PPP2R5E: variants seen among roughly 807,000 people sequenced by gnomAD.
PPP2R5E encodes the protein serine/threonine-protein phosphatase 2A 56 kDa regulatory subunit epsilon isoform.
A neutral mutation model predicts 65.3 loss-of-function variants in PPP2R5E; 4 were observed. The ratio of observed to expected loss-of-function variants is 0.06; its 90% CI spans 0.03 to 0.14. The LOEUF is 0.14. PPP2R5E is among the 10% of genes least tolerant of loss of function. The pLI is 1.00. For synonymous variants in PPP2R5E, 183 were observed against 187.4 expected (o/e 0.98, Z 0.19); for missense variants, 274 against 556.1 (o/e 0.49, Z 5.10).
At chr14:63,513,234 C>A (rs952343811) in intron 2 of PPP2R5E, among the ~76,000 whole-genome samples, 3 of 152,216 alleles carry the variant, frequency 2.0e-5, no homozygotes, top group East Asian at 3.9e-4. Context: ...GATACACTCA[C>A]CAAAGAAAGG....
chr14:63,398,179 C>A (rs1194067630), intron 5 of PPP2R5E, among the ~76,000 whole-genome samples: 1 of 152,138 alleles, frequency 6.6e-6, no homozygotes, highest in Non-Finnish European at 1.5e-5. Context: ...CCAGTGAGCA[C>A]AACAGATTCA....
At chr14:63,449,099 G>A (rs1394804741) in intron 3 of PPP2R5E, among the ~76,000 whole-genome samples, 1 of 152,060 alleles carries the variant, frequency 6.6e-6, no homozygotes, top group African/African-American at 2.4e-5. Context: ...ACTCATCCTG[G>A]TTTGCAAAAC....
intron 2 of PPP2R5E, chr14:63,508,160 C>A: frequency 4.1e-6 from 4 of 985,552 alleles, no homozygotes; most frequent in South Asian, 4.7e-5. Context: ...AGCTCTCAGG[C>A]CTTCATTACC....
chr14:63,433,602 G>A (rs532295745), intron 3 of PPP2R5E, among the ~76,000 whole-genome samples: 1 of 152,090 alleles, frequency 6.6e-6, no homozygotes, highest in South Asian at 2.1e-4. Flanking sequence ...CCTACTTTCA[G>A]AAAGGTGCGC....
chr14:63,391,033 C>A (rs765484884), intron 10 of PPP2R5E, among the ~76,000 whole-genome samples: 2 of 152,344 alleles, frequency 1.3e-5, no homozygotes, highest in South Asian at 2.1e-4. Flanking sequence ...TAAGATGACA[C>A]AGCAAGATCC....
intron 3 of PPP2R5E, among the ~76,000 whole-genome samples, chr14:63,445,147 T>C (rs747575255): frequency 6.6e-6 from 1 of 152,172 alleles, no homozygotes; most frequent in Non-Finnish European, 1.5e-5. Context: ...AGATGAGAAA[T>C]GAAGACAGTG....
intron 2 of PPP2R5E, among the ~76,000 whole-genome samples, chr14:63,459,460 T>C (rs1481897700): frequency 2.0e-5 from 3 of 152,138 alleles, no homozygotes; most frequent in Non-Finnish European, 4.4e-5. Flanking sequence ...TTATAATAAA[T>C]CAAATAATAG....
intron 2 of PPP2R5E, among the ~76,000 whole-genome samples, chr14:63,517,725 T>A (rs757648049): frequency 4.6e-5 from 7 of 152,238 alleles, no homozygotes; most frequent in Admixed American, 2.0e-4. Context: ...TGGATTCAAT[T>A]TTTAACTTCA....
intron 2 of PPP2R5E, among the ~76,000 whole-genome samples, chr14:63,458,787 C>A (rs1319286917): frequency 3.9e-5 from 6 of 152,098 alleles, no homozygotes; most frequent in Admixed American, 3.9e-4. Flanking sequence ...TTTATAATAT[C>A]ATTCAATGAA....
chr14:63,448,124 T>C (rs959445658), intron 3 of PPP2R5E, among the ~76,000 whole-genome samples: 12 of 151,962 alleles, frequency 7.9e-5, no homozygotes, highest in East Asian at 1.9e-4. Flanking sequence ...GGTGAAACCC[T>C]GTCTCTACTA....
intron 2 of PPP2R5E, among the ~76,000 whole-genome samples, chr14:63,520,334 CAAG>C (rs1892848349): frequency 6.6e-6 from 1 of 152,214 alleles, no homozygotes; most frequent in Admixed American, 6.5e-5. Flanking sequence ...CGCGCCCAGC[CAAG>C]AAGAACCTTA....
intron 2 of PPP2R5E, among the ~76,000 whole-genome samples, chr14:63,524,737 T>C (rs946703935): frequency 6.6e-6 from 1 of 152,182 alleles, no homozygotes; most frequent in Admixed American, 6.5e-5. Context: ...CTCCCCGGCC[T>C]GGCCAGCCTT....
At chr14:63,429,338 G>A (rs1887499974) in intron 3 of PPP2R5E, among the ~76,000 whole-genome samples, 1 of 152,060 alleles carries the variant, frequency 6.6e-6, no homozygotes, top group African/African-American at 2.4e-5. Flanking sequence ...AATACAAAAA[G>A]AATGTTATCA....
At chr14:63,431,267 A>C (rs1887657222) in intron 3 of PPP2R5E, among the ~76,000 whole-genome samples, 1 of 151,116 alleles carries the variant, frequency 6.6e-6, no homozygotes, top group Non-Finnish European at 1.5e-5. Flanking sequence ...ACTCTATCAA[A>C]AAAAAAAAAA....
intron 11 of PPP2R5E, among the ~76,000 whole-genome samples, chr14:63,385,830 T>C (rs960723204): frequency 1.2e-4 from 18 of 152,212 alleles, no homozygotes; most frequent in African/African-American, 3.6e-4. Context: ...TCCCTTCCTG[T>C]GCAAGCCAGG....
intron 2 of PPP2R5E, among the ~76,000 whole-genome samples, chr14:63,519,917 C>A (rs1258813946): frequency 1.3e-5 from 2 of 151,956 alleles, no homozygotes. Flanking sequence ...GCCTCGGCCT[C>A]CCAAAGTGCT....
chr14:63,481,395 G>A (rs1272804464), intron 2 of PPP2R5E, among the ~76,000 whole-genome samples: 2 of 151,358 alleles, frequency 1.3e-5, no homozygotes, highest in Non-Finnish European at 2.9e-5. Flanking sequence ...ACTAGGGAGG[G>A]TGAGGCAGGG....
intron 3 of PPP2R5E, among the ~76,000 whole-genome samples, chr14:63,448,152 C>T (rs1888600690): frequency 6.6e-6 from 1 of 151,960 alleles, no homozygotes; most frequent in Non-Finnish European, 1.5e-5. Flanking sequence ...AAAAAATTAG[C>T]CAGGCGTGGT....
At chr14:63,458,098 C>T (rs1467772113) in intron 2 of PPP2R5E, among the ~76,000 whole-genome samples, 1 of 152,154 alleles carries the variant, frequency 6.6e-6, no homozygotes, top group Non-Finnish European at 1.5e-5. Flanking sequence ...TTTAAATTTA[C>T]GAGTGTGACA....
Sources: gnomAD v4.1 joint callset for allele counts (sites outside exome capture counted in the v4.1 genomes callset) on GRCh38, gnomAD v4.1.1 for gene constraint, MANE v1.5 for transcripts, NCBI Gene and HGNC (gene_info 2026-07-23, HGNC 2026-07-21) for gene names.